Variants in RPS15A observed in about 807,000 individuals in gnomAD.
The protein encoded by RPS15A is ribosomal protein S15a, also known as small ribosomal subunit protein uS8.
For missense variants in RPS15A, 62 were observed against 163.4 expected (o/e 0.38, Z 3.38); for synonymous variants, 55 against 58.5 (o/e 0.94, Z 0.27).
chr16:18,788,630 A>G, intron 2 of RPS15A: 1 of 203,370 alleles, frequency 4.9e-6, no homozygotes, highest in Non-Finnish European at 1.0e-5. Context: ...CTGGGACTAC[A>G]GGCGCCTGCC....
chr16:18,788,921 A>C, intron 2 of RPS15A, 60 bp downstream of exon 2: 2 of 1,553,404 alleles, frequency 1.3e-6, no homozygotes, highest in Non-Finnish European at 1.7e-6. Context: ...TAATTTCTAC[A>C]GGACTGATTT....
intron 4 of RPS15A, chr16:18,783,600 C>T (rs1903999276): frequency 2.2e-6 from 1 of 453,998 alleles, no homozygotes; most frequent in Non-Finnish European, 4.4e-6. Context: ...AAATCAGTAT[C>T]ATAATTACAA....
Position 18,787,303 on chromosome 16 carries a change from T to C in RPS15A, c.213+760A>G, listed in dbSNP as rs141258543. On this transcript the variant is annotated intron_variant, in intron 3 of 4. Transcript: ENST00000322989. ...TAGTTTCTGTTTCTAGTTGGGCCAGTAAGGCCCCTTCCTCATCCCTCTTTT... is the reference window on the plus strand; with the variant it reads ...TAGTTTCTGTTTCTAGTTGGGCCAGCAAGGCCCCTTCCTCATCCCTCTTTT... Among the ~76,000 whole-genome samples, 313 of 152,322 alleles carry C rather than the reference T, an allele frequency of 2.1e-3. 1 individual carries two copies. Among genetic ancestry groups the C allele is most frequent in the African/African-American group, 7.2e-3 (298 of 41,566 alleles).
At chr16:18,788,884 G>T in intron 2 of RPS15A, 97 bp downstream of exon 2, 3 of 1,285,538 alleles carry the variant, frequency 2.3e-6, no homozygotes, top group Non-Finnish European at 3.3e-6. Flanking sequence ...TCTCAGGTAT[G>T]ACAGACATAC....
At chr16:18,783,758 G>A (rs143985504) in intron 4 of RPS15A, 22 of 452,210 alleles carry the variant, frequency 4.9e-5, no homozygotes, top group African/African-American at 4.2e-4. Context: ...CTCATAAAGT[G>A]CTTTACCAAA....
intron 3 of RPS15A, chr16:18,785,220 T>A (rs1220481164): frequency 6.3e-6 from 1 of 158,830 alleles, no homozygotes; most frequent in Non-Finnish European, 1.4e-5. Context: ...TCTCAAATCC[T>A]GAAGCTCTAC....
chr16:18,788,170 TAA>T (rs767203560), intron 2 of RPS15A, 28 bp from the exon 3 acceptor site: 3 of 1,413,582 alleles, frequency 2.1e-6, no homozygotes, highest in South Asian at 1.1e-5. Context: ...CTGGATTAAA[TAA>T]AAGACATCAA....
At chr16:18,788,857 A>C (rs1284339765) in intron 2 of RPS15A, 124 bp downstream of exon 2, 3 of 991,088 alleles carry the variant, frequency 3.0e-6, no homozygotes, top group African/African-American at 1.6e-5. Context: ...CACAGCCCAC[A>C]GGTCAATTGC....
At chr16:18,785,064 G>A in intron 3 of RPS15A, 1 of 418,356 alleles carries the variant, frequency 2.4e-6, no homozygotes, top group Non-Finnish European at 4.2e-6. Flanking sequence ...GCAATACATG[G>A]CAGTGTCAGG....
At chr16:18,787,963 T>C in intron 3 of RPS15A, 100 bp downstream of exon 3, 1 of 765,588 alleles carries the variant, frequency 1.3e-6, no homozygotes, top group Non-Finnish European at 2.3e-6. Flanking sequence ...ATAAATCAAG[T>C]ATGGCACCAC....
At chr16:18,788,547 T>C (rs2141861618) in intron 2 of RPS15A, 1 of 185,356 alleles carries the variant, frequency 5.4e-6, no homozygotes, top group Admixed American at 5.7e-5. Context: ...TGGAGTGCAG[T>C]GGCCGATCTC....
chr16:18,784,874 A>C, intron 3 of RPS15A, 51 bp from the exon 4 acceptor site: 3 of 1,403,310 alleles, frequency 2.1e-6, no homozygotes, highest in Non-Finnish European at 3.0e-6. Context: ...CCAATAACAG[A>C]AAAACTGAGT....
At chr16:18,784,652 GAA>G (rs1223841371) in intron 4 of RPS15A, 84 bp downstream of exon 4, 2 of 1,043,754 alleles carry the variant, frequency 1.9e-6, no homozygotes, top group Non-Finnish European at 2.9e-6. Context: ...GTTTTAAACA[GAA>G]AAAAAGAAAA....
intron 4 of RPS15A, chr16:18,783,580 T>A: frequency 2.2e-6 from 1 of 447,682 alleles, no homozygotes; most frequent in South Asian, 1.6e-5. Context: ...TATGCAAATG[T>A]GCGGCATTAA....
intron 3 of RPS15A, chr16:18,785,981 T>G (rs1360139066): frequency 6.6e-6 from 1 of 152,310 alleles, no homozygotes; most frequent in East Asian, 1.9e-4. Flanking sequence ...CTTTACACAC[T>G]ACCTTACTTC....
chr16:18,784,636 T>C (rs1040149170), intron 4 of RPS15A, 102 bp downstream of exon 4: 5 of 837,562 alleles, frequency 6.0e-6, no homozygotes, highest in African/African-American at 3.4e-5. Context: ...AAATTACCAC[T>C]GCTTTGTTTT....
At chr16:18,786,494 T>C (rs933603167) in intron 3 of RPS15A, 2 of 154,058 alleles carry the variant, frequency 1.3e-5, no homozygotes, top group Admixed American at 1.3e-4. Context: ...AATTTATTTC[T>C]CGGCTGGGCC....
In RPS15A at chr16:18,783,092, G is replaced by A. The variant is rs1903990238; in HGVS notation, c.310C>T (p.Leu104=). The stretch of plus-strand genomic sequence containing the variant: ...TCCATGATGCCAGCTGAGGTTGTCA[G>A]TACAATGAAACTATGGAGTGGAAAA... ...LPSRQFGFIV[L]TTSAGIMDHE... Residue 104 remains leucine (L), a synonymous_variant, in exon 5 of 5, where the codon CTG becomes TTG. Coordinates refer to ENST00000322989, the MANE Select transcript of RPS15A (RefSeq NM_001019.5). 2 of 1,606,614 alleles carry A rather than the reference G, an allele frequency of 1.2e-6. No homozygotes were observed. The highest frequency in any genetic ancestry group is 1.7e-6 in the Non-Finnish European group (2 of 1,175,236).
At chr16:18,784,867 A>G (rs756112008) in intron 3 of RPS15A, 44 bp from the exon 4 acceptor site, 10 of 1,472,644 alleles carry the variant, frequency 6.8e-6, no homozygotes, top group African/African-American at 4.2e-5. Context: ...CACTTTACCA[A>G]TAACAGAAAA....
Sources: gnomAD v4.1 joint callset for allele counts (sites outside exome capture counted in the v4.1 genomes callset) on GRCh38, gnomAD v4.1.1 for gene constraint, MANE v1.5 for transcripts, NCBI Gene and HGNC (gene_info 2026-07-23, HGNC 2026-07-21) for gene names.